LUC7L2: variants seen among roughly 807,000 people sequenced by gnomAD.
The protein encoded by LUC7L2 is LUC7 like 2, pre-mRNA splicing factor, also known as putative RNA-binding protein Luc7-like 2.
A neutral mutation model predicts 52.8 loss-of-function variants in LUC7L2; 25 were observed. That is an observed-to-expected ratio of 0.47 (90% CI 0.34 to 0.66). The LOEUF (loss-of-function observed/expected upper bound fraction) is 0.66, where lower values mean the gene tolerates loss of function less well. LUC7L2 is among the 30% of genes least tolerant of loss of function. The pLI, the probability that LUC7L2 is intolerant of heterozygous loss-of-function variation, is 0.01. For missense variants in LUC7L2, 328 were observed against 497.8 expected (o/e 0.66, Z 3.25); for synonymous variants, 144 against 160.9 (o/e 0.89, Z 0.80).
intron 2 of LUC7L2, among the ~76,000 whole-genome samples, chr7:139,380,353 G>A (rs1800942560): frequency 6.6e-6 from 1 of 151,814 alleles, no homozygotes; most frequent in African/African-American, 2.4e-5. Flanking sequence ...CAGCACTTTG[G>A]GAGGCCGAGG....
chr7:139,359,604 T>G, upstream of LUC7L2: 2 of 388,340 alleles, frequency 5.2e-6, no homozygotes, highest in East Asian at 3.7e-5. Context: ...ATTTTGCTAA[T>G]TTGGGTCTGA....
At chr7:139,341,066 A>C (rs1330941345) in intron 1 of LUC7L2, 4 of 255,506 alleles carry the variant, frequency 1.6e-5, no homozygotes, top group Non-Finnish European at 2.2e-5. Context: ...GCTTCTCCTG[A>C]GACTCAGCGG....
At chr7:139,410,841 C>T (rs17613864) in intron 7 of LUC7L2, among the ~76,000 whole-genome samples, 58,399 of 152,026 alleles carry the variant, frequency 0.38, 15,641 homozygotes, top group African/African-American at 0.76. Context: ...TCGTTTGTGT[C>T]ACATGGCTTA....
At chr7:139,341,153 A>G in intron 1 of LUC7L2, 1 of 565,368 alleles carries the variant, frequency 1.8e-6, no homozygotes, top group Non-Finnish European at 2.8e-6. Context: ...TCTGGGTTAG[A>G]GGTCCTGGTA....
intron 6 of LUC7L2, among the ~76,000 whole-genome samples, chr7:139,408,407 C>T (rs1338604162): frequency 6.6e-6 from 1 of 151,994 alleles, no homozygotes; most frequent in Non-Finnish European, 1.5e-5. Flanking sequence ...TTGGAAGTGA[C>T]CTAAATATTT....
chr7:139,409,468 G>C (rs1585127738), intron 6 of LUC7L2, 95 bp from the exon 7 acceptor site: 1 of 1,399,598 alleles, frequency 7.1e-7, no homozygotes, highest in East Asian at 2.6e-5. Context: ...GACAGCAGTT[G>C]TACTGTATTA....
chr7:139,406,328 A>G (rs1795111796), intron 5 of LUC7L2, among the ~76,000 whole-genome samples: 3 of 149,558 alleles, frequency 2.0e-5, no homozygotes, highest in South Asian at 2.1e-4. Context: ...CTAGGATTAC[A>G]GGCATGAACC....
intron 9 of LUC7L2, 54 bp from the exon 10 acceptor site, chr7:139,422,109 T>C: frequency 6.5e-7 from 1 of 1,547,940 alleles, no homozygotes; most frequent in Non-Finnish European, 8.7e-7. Flanking sequence ...TATTCTTTAA[T>C]TTGGGTTTTT....
chr7:139,361,467 T>C (rs1166243177), intron 1 of LUC7L2, among the ~76,000 whole-genome samples: 1 of 152,266 alleles, frequency 6.6e-6, no homozygotes, highest in Non-Finnish European at 1.5e-5. Flanking sequence ...TTAAAAATTT[T>C]ATTGCATTCA....
intron 8 of LUC7L2, 97 bp downstream of exon 8, chr7:139,412,677 T>G (rs1425349131): frequency 6.8e-7 from 1 of 1,470,648 alleles, no homozygotes; most frequent in Non-Finnish European, 9.1e-7. Flanking sequence ...AAATTTTCTT[T>G]TTTGGCTGGG....
intron 2 of LUC7L2, among the ~76,000 whole-genome samples, chr7:139,386,651 C>T (rs1445601816): frequency 4.0e-5 from 6 of 151,850 alleles, no homozygotes; most frequent in African/African-American, 1.2e-4. Flanking sequence ...CATGATCTGC[C>T]CACCTCGGCC....
At position 139,422,386 on chromosome 7, in the gene LUC7L2, C is replaced by G. The variant is rs377113094; in HGVS notation, c.*46C>G. The G allele has an allele frequency of 4.5e-6, 7 of 1,566,014 alleles. No homozygotes were observed. Among genetic ancestry groups the G allele is most frequent in the Non-Finnish European group, 6.0e-6 (7 of 1,158,994 alleles). Reference sequence around the variant, plus strand: ...AGTCCTTAAGCTTCCTACGGAGTTACGTACTATTGTTTAGTTCACAGCTGT... The same window carrying G: ...AGTCCTTAAGCTTCCTACGGAGTTAGGTACTATTGTTTAGTTCACAGCTGT... On this transcript the variant is annotated 3_prime_UTR_variant, in exon 10 of 10. Coordinates refer to ENST00000354926, the MANE Select transcript of LUC7L2 (RefSeq NM_016019.5).
chr7:139,358,269 A>C (rs1410240638), upstream of LUC7L2, among the ~76,000 whole-genome samples: 2 of 152,156 alleles, frequency 1.3e-5, no homozygotes, highest in Admixed American at 1.3e-4. Context: ...CTGCCTCCCA[A>C]AGTACTGGGA....
intron 3 of LUC7L2, among the ~76,000 whole-genome samples, chr7:139,401,918 T>C (rs1569388073): frequency 6.6e-6 from 1 of 152,000 alleles, no homozygotes; most frequent in African/African-American, 2.4e-5. Context: ...CCCACCTGGC[T>C]AAATTTGGAT....
chr7:139,413,433 A>G (rs969584551), intron 8 of LUC7L2, among the ~76,000 whole-genome samples: 1 of 152,080 alleles, frequency 6.6e-6, no homozygotes, highest in Non-Finnish European at 1.5e-5. Flanking sequence ...AGCTCTAGAG[A>G]CTATTTCCCA....
chr7:139,364,223 G>A (rs1008674297), intron 1 of LUC7L2, among the ~76,000 whole-genome samples: 1 of 151,974 alleles, frequency 6.6e-6, no homozygotes, highest in African/African-American at 2.4e-5. Context: ...GACCTCGGGT[G>A]ATCCACCATG....
intron 9 of LUC7L2, 74 bp downstream of exon 9, chr7:139,417,803 T>TA: frequency 6.6e-7 from 1 of 1,518,172 alleles, no homozygotes; most frequent in Non-Finnish European, 8.9e-7. Context: ...TTATGTTACT[T>TA]ATGTTTAGAG....
In LUC7L2 at chr7:139,423,137, T is replaced by G. The variant is rs939677246; in HGVS notation, c.*797T>G. ...TTGTAAAAAAATAATAATAATAAAA[T>G]GAAAGAAACAATCACCACCACCATT... On this transcript the variant is annotated 3_prime_UTR_variant, in exon 10 of 10. Transcript: ENST00000354926. 1.3e-4 allele frequency: 53 copies of G among 398,998 alleles called. No individual in the cohort carries two copies. Among genetic ancestry groups the G allele is most frequent in the African/African-American group, 1.0e-3 (49 of 48,738 alleles). The allele number at this position is 398,998 out of a possible 1,614,324, so 24.7% of individuals were successfully genotyped here. A position where few individuals can be genotyped will look rare whatever the true frequency, so the allele number is the denominator to read the frequency against.
At chr7:139,420,562 T>TAAGA (rs1795852858) in intron 9 of LUC7L2, among the ~76,000 whole-genome samples, 1 of 152,178 alleles carries the variant, frequency 6.6e-6, no homozygotes, top group Admixed American at 6.5e-5. Context: ...GTGGAGAAAG[T>TAAGA]AAGAATACCT....
Sources: allele counts gnomAD v4.1 joint callset (sites outside exome capture counted in the v4.1 genomes callset), GRCh38; gene constraint gnomAD v4.1.1; transcripts MANE v1.5; gene names NCBI Gene and HGNC (gene_info 2026-07-23, HGNC 2026-07-21).